Variants in ING5 observed in about 807,000 individuals in gnomAD.
ING5 encodes the protein inhibitor of growth family member 5.
Under a neutral mutation model 37.4 loss-of-function variants are expected in ING5, and 17 were observed. The ratio of observed to expected loss-of-function variants is 0.45; its 90% CI spans 0.31 to 0.68. The LOEUF is 0.68. Among genes scored for constraint, ING5 ranks in the 30% least tolerant of loss-of-function variants. The probability of loss-of-function intolerance (pLI) is 0.05; values close to 1 mark genes in which losing one functional copy is unlikely to be tolerated. For missense variants in ING5, 233 were observed against 311.9 expected (o/e 0.75, Z 1.91); for synonymous variants, 123 against 116.6 (o/e 1.06, Z -0.36).
upstream of ING5, chr2:241,701,997 C>A: frequency 1.7e-6 from 2 of 1,184,280 alleles, no homozygotes; most frequent in Non-Finnish European, 2.2e-6. Flanking sequence ...AGCGCGCTGG[C>A]ACCGCCCCGC....
chr2:241,729,317 A>C lies in ING5; in HGVS notation c.*4286A>C, dbSNP rs541647592. ...GATGCAGCTTTAACATGAATGTTAC[A>C]TTTTTATTTTCAAGGAATTATTATC... On this transcript the variant is annotated 3_prime_UTR_variant, in exon 8 of 8. Transcript: ENST00000313552. 2 of 152,728 alleles carry C rather than the reference A, an allele frequency of 1.3e-5. No homozygotes were observed. The highest frequency in any genetic ancestry group is 3.9e-4 in the East Asian group (2 of 5,186). The allele number at this position is 152,728 out of a possible 1,614,324, so 9.5% of individuals were successfully genotyped here. A position where few individuals can be genotyped will look rare whatever the true frequency, so the allele number is the denominator to read the frequency against.
In ING5 at chr2:241,711,785, C is replaced by T. The variant is rs377499983; in HGVS notation, c.389-193C>T. 2.2e-4 allele frequency among the ~76,000 whole-genome samples: 33 copies of T among 152,220 alleles called. No homozygotes were observed. In the East Asian group the frequency reaches 5.6e-3, roughly 26 times the overall value. ...GTGTGGTGGTGCACACCTGTGGTCC[C>T]AGCTACTCGGGAGGCTGAGGTGGGT... is the stretch of plus-strand genomic sequence containing the variant. On this transcript the variant is annotated intron_variant, in intron 4 of 7. Transcript: ENST00000313552.
chr2:241,719,375 C>G (rs1330552475), intron 5 of ING5: 8 of 673,790 alleles, frequency 1.2e-5, no homozygotes, highest in Admixed American at 1.1e-4. Context: ...CCCCCCAACA[C>G]CCCCCACTCT....
rs575831925 is a variant in ING5 at position 241,722,223 on chromosome 2, G to A, written c.483-716G>A. On this transcript the variant is annotated intron_variant, in intron 5 of 7. Coordinates refer to ENST00000313552, the MANE Select transcript of ING5 (RefSeq NM_032329.6). Reference sequence around the variant, plus strand: ...TCAGTCTGGAGTGGGAGGCTGGCAGGCTTCTCTCAGGTGTCAGCCGTCTGC... The same window carrying A: ...TCAGTCTGGAGTGGGAGGCTGGCAGACTTCTCTCAGGTGTCAGCCGTCTGC... 3.9e-5 allele frequency: 38 copies of A among 985,408 alleles called. No homozygotes were observed. In the African/African-American group the frequency reaches 6.6e-4, roughly 17 times the overall value. The allele number at this position is 985,408 out of a possible 1,614,324, so 61.0% of individuals were successfully genotyped here. A position where few individuals can be genotyped will look rare whatever the true frequency, so the allele number is the denominator to read the frequency against.
At chr2:241,702,721 C>G (rs1287998240) in intron 1 of ING5, among the ~76,000 whole-genome samples, 1 of 152,232 alleles carries the variant, frequency 6.6e-6, no homozygotes, top group South Asian at 2.1e-4. Context: ...GGCAGCAGGT[C>G]GGCGCCCCCA....
chr2:241,726,403 CG>C lies in ING5; in HGVS notation c.*1373del, dbSNP rs1441080075. ...GGGAGAGGAAATAAAGCAGAAGGAA[CG>C]TGTGAAGCTCTGTGTCTCAGACGGG... On this transcript the variant is annotated 3_prime_UTR_variant, in exon 8 of 8. Transcript: ENST00000313552. 3 of 152,222 alleles carry C rather than the reference CG, an allele frequency of 2.0e-5. No individual in the cohort carries two copies. The highest frequency in any genetic ancestry group is 4.4e-5 in the Non-Finnish European group (3 of 68,038). The allele number at this position is 152,222 out of a possible 1,614,324, so 9.4% of individuals were successfully genotyped here.
chr2:241,718,605 G>T (rs1209930372), intron 5 of ING5, among the ~76,000 whole-genome samples: 1 of 151,912 alleles, frequency 6.6e-6, no homozygotes, highest in African/African-American at 2.4e-5. Flanking sequence ...AGTATAGACA[G>T]GGTTTCACCG....
chr2:241,719,560 G>T (rs781233545), intron 5 of ING5: 1 of 1,536,132 alleles, frequency 6.5e-7, no homozygotes, highest in East Asian at 2.4e-5. Flanking sequence ...CCTTTTCTGC[G>T]TGAAAGTGGG....
Position 241,702,065 on chromosome 2 carries a change from G to A in ING5, c.-1G>A, listed in dbSNP as rs988728002. 2.2e-6 allele frequency: 3 copies of A among 1,389,058 alleles called. No homozygotes were observed. Among genetic ancestry groups the A allele is most frequent in the Non-Finnish European group, 2.8e-6 (3 of 1,066,718 alleles). The allele number at this position is 1,389,058 out of a possible 1,614,324, so 86.0% of individuals were successfully genotyped here. Reference sequence around the variant, plus strand: ...GACCCCGAGCGCGGCCGCGGACGAAGATGGCGACCGCCATGTACTTGGAGC... The same window carrying A: ...GACCCCGAGCGCGGCCGCGGACGAAAATGGCGACCGCCATGTACTTGGAGC... On this transcript the variant is annotated 5_prime_UTR_variant, in exon 1 of 8. Transcript: ENST00000313552.
chr2:241,700,310 C>T (rs1298937001), upstream of ING5, among the ~76,000 whole-genome samples: 18 of 152,016 alleles, frequency 1.2e-4, no homozygotes. Flanking sequence ...GCGCCCGCCA[C>T]CATGCCCAGC....
At chr2:241,715,071 A>G (rs2070225594) in intron 5 of ING5, among the ~76,000 whole-genome samples, 2 of 151,960 alleles carry the variant, frequency 1.3e-5, no homozygotes, top group Non-Finnish European at 2.9e-5. Flanking sequence ...ATTGATTTTT[A>G]TATCTTCCTT....
In ING5 at chr2:241,718,068, G is replaced by A. The variant is rs545152324; in HGVS notation, c.483-4871G>A. Among the ~76,000 whole-genome samples, 1,187 of 151,064 alleles carry A rather than the reference G, an allele frequency of 7.9e-3. 15 individuals carry two copies. The highest frequency in any genetic ancestry group is 9.9e-3 in the Admixed American group (150 of 15,194). On this transcript the variant is annotated intron_variant, in intron 5 of 7. Coordinates refer to ENST00000313552, the MANE Select transcript of ING5 (RefSeq NM_032329.6). The stretch of plus-strand genomic sequence containing the variant: ...GGCTCTGTGGCCCAGGCTGGAGTGC[G>A]GTGGCGCAATCTCCGCTCACCGCAG...
intron 2 of ING5, 108 bp from the exon 3 acceptor site, chr2:241,709,108 C>G (rs1304548909): frequency 1.7e-6 from 2 of 1,206,636 alleles, no homozygotes; most frequent in African/African-American, 3.0e-5. Flanking sequence ...TCATGTCAGC[C>G]TACATCTTTG....
chr2:241,715,563 A>G (rs1469215796), intron 5 of ING5, among the ~76,000 whole-genome samples: 1 of 141,076 alleles, frequency 7.1e-6, no homozygotes, highest in African/African-American at 2.8e-5. Flanking sequence ...GCTCACTGCA[A>G]CCTCCACCTC....
rs1335551895 is a variant in ING5 at position 241,726,496 on chromosome 2, C to G, written c.*1465C>G. The G allele has an allele frequency of 1.3e-5, 2 of 152,268 alleles. No individual in the cohort carries two copies. Among genetic ancestry groups the G allele is most frequent in the African/African-American group, 4.8e-5 (2 of 41,448 alleles). 9.4% of individuals were successfully genotyped at this position (152,268 alleles called of 1,614,324 possible). On this transcript the variant is annotated 3_prime_UTR_variant, in exon 8 of 8. Coordinates refer to ENST00000313552, the MANE Select transcript of ING5 (RefSeq NM_032329.6). ...GAGAACAAGAACACCCTGAACAGTC[C>G]TGGTTGGGATGGTGTCCACATTCAT...
At chr2:241,710,397 G>C (rs2070072260) in intron 3 of ING5, among the ~76,000 whole-genome samples, 1 of 152,144 alleles carries the variant, frequency 6.6e-6, no homozygotes, top group African/African-American at 2.4e-5. Context: ...CCACTTCCCA[G>C]GCTCAAGCGA....
chr2:241,722,314 G>A, intron 5 of ING5: 4 of 985,408 alleles, frequency 4.1e-6, no homozygotes, highest in Non-Finnish European at 4.8e-6. Flanking sequence ...CCCAGAAGTG[G>A]GTTGAGTCCA....
At chr2:241,701,896 C>CCCAGCAG (rs1553581024), upstream of ING5, 52 of 347,648 alleles carry the variant, frequency 1.5e-4, no homozygotes, top group Non-Finnish European at 2.2e-4. Flanking sequence ...TCCGCCCGGG[C>CCCAGCAG]CCCGCAGCCC....
At chr2:241,706,044 G>A (rs575980937) in intron 2 of ING5, among the ~76,000 whole-genome samples, 49 of 151,992 alleles carry the variant, frequency 3.2e-4, no homozygotes, top group Non-Finnish European at 6.0e-4. Context: ...TTCTGCATTC[G>A]ACCCTTGTCT....
Sources: gnomAD v4.1 joint callset for allele counts (sites outside exome capture counted in the v4.1 genomes callset) on GRCh38, gnomAD v4.1.1 for gene constraint, MANE v1.5 for transcripts, NCBI Gene and HGNC (gene_info 2026-07-23, HGNC 2026-07-21) for gene names.